Variants in MAGI2 observed in about 807,000 individuals in gnomAD.
MAGI2 encodes the protein membrane-associated guanylate kinase, WW and PDZ domain-containing protein 2.
Under a neutral mutation model 133.3 loss-of-function variants are expected in MAGI2, and 35 were observed. The ratio of observed to expected loss-of-function variants is 0.26; its 90% CI spans 0.20 to 0.35. The LOEUF is 0.35. Ranked by LOEUF, MAGI2 falls within the 10% of genes least tolerant of loss-of-function variation. MAGI2 has a pLI of 1.00. For synonymous variants in MAGI2, 729 were observed against 710.6 expected, an observed-to-expected ratio of 1.03 and a Z score of -0.41; for missense variants, 1,636 against 1,863.4, an observed-to-expected ratio of 0.88 and a Z score of 2.25.
chr7:78,920,644 C>A (rs77205149), intron 2 of MAGI2, among the ~76,000 whole-genome samples: 234 of 152,194 alleles, frequency 1.5e-3, no homozygotes, highest in African/African-American at 5.4e-3. Context: ...TCATTATGGT[C>A]TTATTTTATA....
At chr7:78,120,127 G>A (rs1820288018) in intron 20 of MAGI2, among the ~76,000 whole-genome samples, 1 of 152,208 alleles carries the variant, frequency 6.6e-6, no homozygotes, top group African/African-American at 2.4e-5. Flanking sequence ...AAGTGGCCGG[G>A]CACAGTGGCT....
chr7:79,015,803 ATTG>A (rs1808644962), intron 1 of MAGI2, among the ~76,000 whole-genome samples: 1 of 152,110 alleles, frequency 6.6e-6, no homozygotes, highest in Non-Finnish European at 1.5e-5. Flanking sequence ...TTGGAAACAA[ATTG>A]TTGTTATACA....
intron 1 of MAGI2, among the ~76,000 whole-genome samples, chr7:79,208,005 C>G (rs1385852639): frequency 6.6e-6 from 1 of 151,958 alleles, no homozygotes; most frequent in Non-Finnish European, 1.5e-5. Flanking sequence ...TGAAATTAGA[C>G]CTTTCTCTCA....
chr7:79,358,687 C>T (rs2040113391), intron 1 of MAGI2, among the ~76,000 whole-genome samples: 1 of 152,142 alleles, frequency 6.6e-6, no homozygotes, highest in African/African-American at 2.4e-5. Context: ...GATCTCACCA[C>T]ACCTGCATCC....
At chr7:78,867,103 T>G (rs1269480869) in intron 2 of MAGI2, among the ~76,000 whole-genome samples, 1 of 149,492 alleles carries the variant, frequency 6.7e-6, no homozygotes, top group Non-Finnish European at 1.5e-5. Flanking sequence ...GACTGTAAAC[T>G]AGTTCAACCA....
chr7:79,013,266 T>C (rs1808362208), intron 1 of MAGI2, among the ~76,000 whole-genome samples: 2 of 152,172 alleles, frequency 1.3e-5, no homozygotes, highest in Non-Finnish European at 2.9e-5. Flanking sequence ...AATCTCCTTT[T>C]GATATTGTTT....
At chr7:78,243,251 ACACACACACACACACACACTCTCTCT>A (rs1254709024) in intron 10 of MAGI2, among the ~76,000 whole-genome samples, 96 of 40,646 alleles carry the variant, frequency 2.4e-3, no homozygotes, top group Admixed American at 9.2e-3. Flanking sequence ...ACACACACAC[ACACACACACACACACACACTCTCTCT>A]CTCTCTCTCT....
chr7:78,223,309 A>G (rs1430894450), intron 10 of MAGI2, among the ~76,000 whole-genome samples: 1 of 152,166 alleles, frequency 6.6e-6, no homozygotes, highest in African/African-American at 2.4e-5. Flanking sequence ...CTCCACTTTT[A>G]AGAGCTTTCT....
intron 1 of MAGI2, among the ~76,000 whole-genome samples, chr7:79,452,380 G>A (rs1319744997): frequency 6.6e-6 from 1 of 152,194 alleles, no homozygotes; most frequent in African/African-American, 2.4e-5. Flanking sequence ...CACATGACAC[G>A]ACCGTGAGCG....
intron 9 of MAGI2, among the ~76,000 whole-genome samples, chr7:78,275,175 T>C (rs1794942476): frequency 6.6e-6 from 1 of 152,308 alleles, no homozygotes; most frequent in Non-Finnish European, 1.5e-5. Context: ...GTACAGTCTC[T>C]CATGGCTTCC....
intron 20 of MAGI2, among the ~76,000 whole-genome samples, chr7:78,107,182 C>G (rs765427643): frequency 2.9e-4 from 44 of 152,100 alleles, no homozygotes; most frequent in Non-Finnish European, 5.0e-4. Context: ...GGATTTATTT[C>G]TGGGTTATCT....
intron 16 of MAGI2, among the ~76,000 whole-genome samples, chr7:78,156,577 A>G (rs148934534): frequency 6.6e-6 from 1 of 152,150 alleles, no homozygotes; most frequent in Non-Finnish European, 1.5e-5. Context: ...CAACCCCATG[A>G]TTGAGGTATT....
chr7:78,540,298 G>A (rs1454016553), intron 3 of MAGI2, among the ~76,000 whole-genome samples: 1 of 152,178 alleles, frequency 6.6e-6, no homozygotes, highest in Non-Finnish European at 1.5e-5. Context: ...GGCCAATGGA[G>A]TTTTCCTCCC....
At chr7:78,031,787 G>T (rs1032883021) in intron 21 of MAGI2, among the ~76,000 whole-genome samples, 6 of 152,128 alleles carry the variant, frequency 3.9e-5, no homozygotes, top group Admixed American at 2.0e-4. Context: ...TGCCAAAGAT[G>T]GAAGAAGTGG....
At position 79,437,044 on chromosome 7, in the gene MAGI2, C is replaced by T. The variant is rs371820282; in HGVS notation, c.301+15976G>A. 3.9e-5 allele frequency among the ~76,000 whole-genome samples: 6 copies of T among 152,206 alleles called. No homozygotes were observed. In the East Asian group the frequency reaches 9.7e-4, roughly 24 times the overall value. On this transcript the variant is annotated intron_variant, in intron 1 of 21. Transcript: ENST00000354212. ...AAATAACACAAAATAATGTTCTCTGCAGCAACATGGATGCATGGACGCCAT... is the reference window on the plus strand; with the variant it reads ...AAATAACACAAAATAATGTTCTCTGTAGCAACATGGATGCATGGACGCCAT...
chr7:79,147,727 G>A (rs1480411382), intron 1 of MAGI2, among the ~76,000 whole-genome samples: 4 of 152,176 alleles, frequency 2.6e-5, no homozygotes, highest in Non-Finnish European at 4.4e-5. Context: ...CTGTGGAGGT[G>A]CATGTTCTCT....
intron 2 of MAGI2, among the ~76,000 whole-genome samples, chr7:78,850,891 C>T (rs1248829630): frequency 6.6e-6 from 1 of 151,936 alleles, no homozygotes; most frequent in Non-Finnish European, 1.5e-5. Context: ...ATAGGTAGAA[C>T]TTTAATTAAT....
chr7:79,388,677 G>C (rs1286436471), intron 1 of MAGI2, among the ~76,000 whole-genome samples: 1 of 151,662 alleles, frequency 6.6e-6, no homozygotes, highest in East Asian at 1.9e-4. Flanking sequence ...ATTTCACAGA[G>C]TGGGAGGTCA....
intron 1 of MAGI2, among the ~76,000 whole-genome samples, chr7:79,214,944 CAT>C (rs551254614): frequency 2.1e-5 from 3 of 145,518 alleles, no homozygotes; most frequent in African/African-American, 7.6e-5. Context: ...AACATATAAA[CAT>C]ATGTTTATAT....
Sources: gnomAD v4.1 joint callset for allele counts (sites outside exome capture counted in the v4.1 genomes callset) on GRCh38, gnomAD v4.1.1 for gene constraint, MANE v1.5 for transcripts, NCBI Gene and HGNC (gene_info 2026-07-23, HGNC 2026-07-21) for gene names.